Variants in CERKL observed in about 807,000 individuals in gnomAD.
CERKL encodes the protein ceramide kinase-like protein.
Under a neutral mutation model 63.4 loss-of-function variants are expected in CERKL, and 61 were observed. That is an observed-to-expected ratio of 0.96 (90% confidence interval 0.78 to 1.19). CERKL has a LOEUF of 1.19. Ranked by LOEUF, CERKL falls within the 50% of genes most tolerant of loss-of-function variation. The pLI is 0.00. For missense variants in CERKL, 675 were observed against 655.5 expected, an observed-to-expected ratio of 1.03 and a Z score of -0.33; for synonymous variants, 250 against 230.5, an observed-to-expected ratio of 1.08 and a Z score of -0.77.
intron 1 of CERKL, among the ~76,000 whole-genome samples, chr2:181,609,338 GA>G (rs2105902195): frequency 7.0e-6 from 1 of 143,794 alleles, no homozygotes; most frequent in South Asian, 2.2e-4. Flanking sequence ...AATGGACAAG[GA>G]ATCTCATAAA....
intron 1 of CERKL, among the ~76,000 whole-genome samples, chr2:181,618,427 ATTTTT>A (rs1319142438): frequency 6.6e-6 from 1 of 150,968 alleles, no homozygotes; most frequent in Admixed American, 6.6e-5. Flanking sequence ...TATTTTTTTT[ATTTTT>A]TTGAGACAGA....
At position 181,538,120 on chromosome 2, in the gene CERKL, G is replaced by T; in HGVS notation, c.*64C>A. 8.7e-7 allele frequency: 1 copy of T among 1,145,054 alleles called. No individual in the cohort carries two copies. Among genetic ancestry groups the T allele is most frequent in the Non-Finnish European group, 1.3e-6 (1 of 759,398 alleles). 70.9% of individuals were successfully genotyped at this position (1,145,054 alleles called of 1,614,324 possible). ...AAAGGGTGGGGACCACAGGTTTAAA[G>T]CATGGCCACATTTCTTTATATTAAA... On this transcript the variant is annotated 3_prime_UTR_variant, in exon 13 of 13. Coordinates refer to ENST00000410087, the MANE Select transcript of CERKL (RefSeq NM_201548.5).
chr2:181,592,835 A>C (rs1224556451), intron 2 of CERKL, among the ~76,000 whole-genome samples: 1 of 152,218 alleles, frequency 6.6e-6, no homozygotes, highest in East Asian at 1.9e-4. Context: ...AACACAGTAC[A>C]TTCCATGACA....
chr2:181,617,676 A>G (rs1405177808), intron 1 of CERKL, among the ~76,000 whole-genome samples: 2 of 152,198 alleles, frequency 1.3e-5, no homozygotes, highest in East Asian at 3.8e-4. Context: ...CAAAAGGCCA[A>G]TACAGGATGT....
intron 1 of CERKL, among the ~76,000 whole-genome samples, chr2:181,617,587 G>A (rs1206823010): frequency 6.6e-6 from 1 of 152,158 alleles, no homozygotes; most frequent in Non-Finnish European, 1.5e-5. Context: ...GAGACTGGCA[G>A]TGACATTAGA....
chr2:181,609,688 T>G (rs972092921), intron 1 of CERKL, among the ~76,000 whole-genome samples: 3 of 151,780 alleles, frequency 2.0e-5, no homozygotes, highest in African/African-American at 7.3e-5. Context: ...CCTGGGTGAC[T>G]GAAACTCTGT....
chr2:181,551,392 G>T (rs921256505), intron 5 of CERKL, among the ~76,000 whole-genome samples: 1 of 151,982 alleles, frequency 6.6e-6, no homozygotes, highest in Non-Finnish European at 1.5e-5. Context: ...TACAGAATGG[G>T]AGAAAATTTT....
intron 1 of CERKL, among the ~76,000 whole-genome samples, chr2:181,628,560 C>T (rs1686811142): frequency 6.6e-6 from 1 of 152,172 alleles, no homozygotes; most frequent in Non-Finnish European, 1.5e-5. Context: ...AGTATCAATA[C>T]ACATATTAGG....
At chr2:181,603,195 T>G (rs549342528) in intron 2 of CERKL, 1 of 204,140 alleles carries the variant, frequency 4.9e-6, no homozygotes, top group African/African-American at 2.3e-5. Flanking sequence ...AAAAATCTTA[T>G]TTTCAGGCCA....
At chr2:181,596,055 T>C (rs1031174697) in intron 2 of CERKL, among the ~76,000 whole-genome samples, 3 of 152,222 alleles carry the variant, frequency 2.0e-5, no homozygotes, top group South Asian at 4.1e-4. Context: ...GTTTAGAGAA[T>C]CTTCAATTAG....
chr2:181,539,333 T>G, intron 11 of CERKL, 69 bp from the exon 12 acceptor site: 2 of 973,186 alleles, frequency 2.1e-6, no homozygotes, highest in East Asian at 2.4e-5. Flanking sequence ...CAAAGTTCAC[T>G]GAGCCCTCTC....
intron 1 of CERKL, chr2:181,617,515 T>C (rs1276888742): frequency 6.6e-6 from 1 of 152,230 alleles, no homozygotes; most frequent in Non-Finnish European, 1.5e-5. Flanking sequence ...ATTAAAATTT[T>C]GTAAAACTTG....
intron 1 of CERKL, among the ~76,000 whole-genome samples, chr2:181,625,677 A>G (rs929198169): frequency 4.6e-5 from 7 of 152,092 alleles, no homozygotes; most frequent in Non-Finnish European, 8.8e-5. Context: ...TTAGTCCCCA[A>G]CTCTGTCACC....
chr2:181,637,978 G>GAC (rs1323521029), intron 1 of CERKL, among the ~76,000 whole-genome samples: 10 of 151,978 alleles, frequency 6.6e-5, no homozygotes, highest in African/African-American at 2.4e-4. Context: ...TGGCAGCATT[G>GAC]GTGTTGTTAC....
At chr2:181,571,256 G>A (rs1171219470) in intron 3 of CERKL, among the ~76,000 whole-genome samples, 2 of 152,100 alleles carry the variant, frequency 1.3e-5, no homozygotes, top group Non-Finnish European at 2.9e-5. Context: ...GCCTGTAGGA[G>A]GAGTGTTAGG....
intron 1 of CERKL, among the ~76,000 whole-genome samples, chr2:181,620,714 T>C (rs1266911664): frequency 6.6e-6 from 1 of 152,158 alleles, no homozygotes; most frequent in African/African-American, 2.4e-5. Context: ...TCAGTCTACC[T>C]TCCTGATGCC....
chr2:181,537,170 G>GAACATCTAGGATCATAGATGA lies in CERKL; in HGVS notation c.*993_*1013dup, dbSNP rs1687168745. ...AAAAAGGCTAGTCATTCTTTCAGGA[G>GAACATCTAGGATCATAGATGA]AACATCTAGGATCATAGATGAAAAA... On this transcript the variant is annotated 3_prime_UTR_variant, in exon 13 of 13. Coordinates refer to ENST00000410087, the MANE Select transcript of CERKL (RefSeq NM_201548.5). The GAACATCTAGGATCATAGATGA allele has an allele frequency of 2.2e-6, 1 of 453,858 alleles. No homozygotes were observed. Among genetic ancestry groups the GAACATCTAGGATCATAGATGA allele is most frequent in the Admixed American group, 2.4e-5 (1 of 42,540 alleles). 28.1% of individuals were successfully genotyped at this position (453,858 alleles called of 1,614,324 possible).
chr2:181,594,412 G>A (rs532045694), intron 2 of CERKL, among the ~76,000 whole-genome samples: 4 of 152,298 alleles, frequency 2.6e-5, no homozygotes, highest in African/African-American at 9.6e-5. Context: ...GTTTGTATCA[G>A]ACCTTGAACT....
chr2:181,612,653 T>C (rs1476288286), intron 1 of CERKL, among the ~76,000 whole-genome samples: 1 of 152,086 alleles, frequency 6.6e-6, no homozygotes, highest in African/African-American at 2.4e-5. Flanking sequence ...TAAAAAAAAC[T>C]AATGTATGAC....
Sources: allele counts gnomAD v4.1 joint callset (sites outside exome capture counted in the v4.1 genomes callset), GRCh38; gene constraint gnomAD v4.1.1; transcripts MANE v1.5; gene names NCBI Gene and HGNC (gene_info 2026-07-23, HGNC 2026-07-21).